Variants in ATRNL1 observed in about 807,000 individuals in gnomAD.
ATRNL1 encodes attractin like 1.
A neutral mutation model predicts 182.7 loss-of-function variants in ATRNL1; 95 were observed. The ratio of observed to expected loss-of-function variants is 0.52; its 90% CI spans 0.44 to 0.62. ATRNL1 has a LOEUF of 0.62. Ranked by LOEUF, ATRNL1 falls within the 20% of genes least tolerant of loss-of-function variation. The pLI is 0.00. For synonymous variants in ATRNL1, 576 were observed against 568.3 expected (o/e 1.01, Z -0.19); for missense variants, 1,471 against 1,679.5 (o/e 0.88, Z 2.17).
At chr10:115,897,275 AATC>A (rs556301997) in intron 28 of ATRNL1, among the ~76,000 whole-genome samples, 261 of 152,290 alleles carry the variant, frequency 1.7e-3, no homozygotes, top group African/African-American at 6.0e-3. Flanking sequence ...AGATGAAACA[AATC>A]ATAATATCAT....
intron 27 of ATRNL1, among the ~76,000 whole-genome samples, chr10:115,733,056 T>C (rs554074252): frequency 6.6e-6 from 1 of 152,310 alleles, no homozygotes; most frequent in South Asian, 2.1e-4. Flanking sequence ...ATTAGAAGTT[T>C]CTTATAAAAA....
At chr10:115,713,700 TCTATCATCTATCTATCTATC>T (rs202136356) in intron 26 of ATRNL1, among the ~76,000 whole-genome samples, 3 of 130,514 alleles carry the variant, frequency 2.3e-5, no homozygotes, top group Non-Finnish European at 3.4e-5. Flanking sequence ...TATCTATCTA[TCTATCATCTATCTATCTATC>T]TATCTATCTA....
intron 27 of ATRNL1, among the ~76,000 whole-genome samples, chr10:115,766,932 G>A (rs1275444204): frequency 6.6e-6 from 1 of 152,112 alleles, no homozygotes; most frequent in Non-Finnish European, 1.5e-5. Flanking sequence ...TAAACTCTGA[G>A]CTGCAATTTA....
At position 115,798,830 on chromosome 10, in the gene ATRNL1, C is replaced by CT. The variant is rs66936998; in HGVS notation, c.3904-49033dup. Among the ~76,000 whole-genome samples the CT allele has an allele frequency of 9.4e-4, 104 of 110,320 alleles. 2 individuals are homozygous for CT. Among genetic ancestry groups the CT allele is most frequent in the Middle Eastern group, 4.5e-3 (1 of 224 alleles). The allele number at this position is 110,320 out of a possible 152,430, so 72.4% of individuals were successfully genotyped here. A position where few individuals can be genotyped will look rare whatever the true frequency, so the allele number is the denominator to read the frequency against. ...TTTTTTTTTCTTTTTTTTCTTTTTT[C>CT]TTTTTTTTTTTTTTGAGTCGGAGCC... On this transcript the variant is annotated intron_variant, in intron 27 of 28. Coordinates refer to ENST00000355044, the MANE Select transcript of ATRNL1 (RefSeq NM_207303.4).
At chr10:115,394,600 G>A in intron 19 of ATRNL1, 59 bp from the exon 20 acceptor site, 2 of 1,283,712 alleles carry the variant, frequency 1.6e-6, no homozygotes, top group East Asian at 2.3e-5. Context: ...TACTTGAAAT[G>A]TGAAATGTGC....
At chr10:115,381,923 C>T (rs1819629) in intron 19 of ATRNL1, among the ~76,000 whole-genome samples, 1 of 152,006 alleles carries the variant, frequency 6.6e-6, no homozygotes, top group South Asian at 2.1e-4. Context: ...ACATGCATAT[C>T]TAGTTGTCCT....
intron 10 of ATRNL1, among the ~76,000 whole-genome samples, chr10:115,251,952 C>G (rs1394052116): frequency 3.9e-5 from 6 of 152,152 alleles, no homozygotes; most frequent in African/African-American, 1.4e-4. Flanking sequence ...GATCAAGCTC[C>G]CCTCTGAACC....
At chr10:115,156,121 G>T (rs1554881998) in intron 5 of ATRNL1, among the ~76,000 whole-genome samples, 1 of 152,112 alleles carries the variant, frequency 6.6e-6, no homozygotes, top group East Asian at 1.9e-4. Flanking sequence ...GGGGAACAGG[G>T]ACAGCAAGAC....
At chr10:115,227,756 G>T (rs1337148661) in intron 9 of ATRNL1, among the ~76,000 whole-genome samples, 6 of 152,118 alleles carry the variant, frequency 3.9e-5, no homozygotes, top group African/African-American at 1.4e-4. Flanking sequence ...GTGAAATCTT[G>T]TCTTTTGCAG....
intron 20 of ATRNL1, among the ~76,000 whole-genome samples, chr10:115,405,688 T>C (rs1174615331): frequency 7.6e-6 from 1 of 131,410 alleles, no homozygotes; most frequent in Non-Finnish European, 1.8e-5. Context: ...CATTTGCCTG[T>C]TTTCTTTTTT....
intron 10 of ATRNL1, among the ~76,000 whole-genome samples, chr10:115,257,589 G>A (rs1159553699): frequency 6.6e-6 from 1 of 151,216 alleles, no homozygotes; most frequent in African/African-American, 2.4e-5. Context: ...TTTTAATTGG[G>A]GCATTTAGCC....
At chr10:115,497,089 T>C (rs1849585512) in intron 24 of ATRNL1, among the ~76,000 whole-genome samples, 1 of 152,162 alleles carries the variant, frequency 6.6e-6, no homozygotes. Flanking sequence ...TTTTTTCTGA[T>C]TGAGTTTGTT....
At chr10:115,867,565 A>T (rs565639307) in intron 28 of ATRNL1, among the ~76,000 whole-genome samples, 8 of 152,156 alleles carry the variant, frequency 5.3e-5, no homozygotes, top group Non-Finnish European at 8.8e-5. Context: ...TGTCATTAGC[A>T]TAACAGGATC....
intron 26 of ATRNL1, among the ~76,000 whole-genome samples, chr10:115,621,234 A>G (rs750958118): frequency 9.0e-4 from 128 of 141,812 alleles, no homozygotes; most frequent in Middle Eastern, 3.7e-3. Context: ...TAGAGTTCAA[A>G]TAATGGCCAT....
At chr10:115,805,101 A>T (rs1159468827) in intron 27 of ATRNL1, among the ~76,000 whole-genome samples, 4 of 152,152 alleles carry the variant, frequency 2.6e-5, no homozygotes, top group African/African-American at 9.7e-5. Context: ...ACACCCAAAC[A>T]TTCCCCTCCT....
rs533210960 is a variant in ATRNL1, at chr10:115,359,673, G to A, written c.3175+25254G>A. ...AAATTTTTTCATTGAAGACTGGTAA[G>A]AGAAGTTATGTAAAGCTCAAATAAG... On this transcript the variant is annotated intron_variant, in intron 19 of 28. Transcript: ENST00000355044. Among the ~76,000 whole-genome samples the A allele has an allele frequency of 9.9e-5, 15 of 151,556 alleles. No individual in the cohort carries two copies. The South Asian group carries it at 2.5e-3, about 25-fold the overall frequency.
chr10:115,540,425 A>G (rs565492762), intron 25 of ATRNL1, among the ~76,000 whole-genome samples: 2 of 152,138 alleles, frequency 1.3e-5, no homozygotes, highest in Non-Finnish European at 2.9e-5. Flanking sequence ...TAATACCTCA[A>G]TCCCTTTGTA....
intron 27 of ATRNL1, among the ~76,000 whole-genome samples, chr10:115,815,415 ATGTGTGTGTGTGTG>A (rs367551845): frequency 2.8e-5 from 4 of 142,948 alleles, no homozygotes; most frequent in Non-Finnish European, 4.6e-5. Flanking sequence ...GTGTGTGTGT[ATGTGTGTGTGTGTG>A]TGTGTGTGTG....
intron 27 of ATRNL1, among the ~76,000 whole-genome samples, chr10:115,755,428 CAT>C (rs777210630): frequency 9.9e-5 from 15 of 152,106 alleles, no homozygotes; most frequent in South Asian, 2.1e-4. Context: ...TTGAGATAAT[CAT>C]GTGGTTTTTG....
Sources: gnomAD v4.1 joint callset for allele counts (sites outside exome capture counted in the v4.1 genomes callset) on GRCh38, gnomAD v4.1.1 for gene constraint, MANE v1.5 for transcripts, NCBI Gene and HGNC (gene_info 2026-07-23, HGNC 2026-07-21) for gene names.